The following COL23A1 variants were observed in gnomAD, a reference collection of about 807,000 sequenced individuals.
COL23A1 encodes the protein collagen type XXIII alpha 1 chain, also known as collagen alpha-1(XXIII) chain.
Under a neutral mutation model 99.3 loss-of-function variants are expected in COL23A1, and 97 were observed. The ratio of observed to expected loss-of-function variants is 0.98; its 90% CI spans 0.83 to 1.16. The LOEUF (loss-of-function observed/expected upper bound fraction) is 1.16, where lower values mean the gene tolerates loss of function less well. COL23A1 is among the 50% of genes most tolerant of loss of function. The pLI is 0.00. For missense variants in COL23A1, 762 were observed against 757.4 expected, an observed-to-expected ratio of 1.01 and a Z score of -0.07; for synonymous variants, 320 against 308.2, an observed-to-expected ratio of 1.04 and a Z score of -0.40.
Position 178,429,044 on chromosome 5 carries a change from G to A in COL23A1, c.362-122125C>T, listed in dbSNP as rs564809787. 1.3e-3 allele frequency among the ~76,000 whole-genome samples: 197 copies of A among 152,264 alleles called. 1 individual carries two copies. Among genetic ancestry groups the A allele is most frequent in the Admixed American group, 2.5e-3 (38 of 15,296 alleles). On this transcript the variant is annotated intron_variant, in intron 2 of 28. Coordinates refer to ENST00000390654, the MANE Select transcript of COL23A1 (RefSeq NM_173465.4). ...TTCTGCTCGTGATTGGCTGGGGCAC[G>A]CGACTGCTCTGTAAACCAGGTGCGG...
At chr5:178,572,073 A>G (rs1763134456) in intron 1 of COL23A1, among the ~76,000 whole-genome samples, 1 of 83,810 alleles carries the variant, frequency 1.2e-5, no homozygotes, top group Non-Finnish European at 2.3e-5. Context: ...TTCTCAAAAC[A>G]AAAAAAAAAA....
chr5:178,568,125 A>G (rs1762924473), intron 1 of COL23A1, among the ~76,000 whole-genome samples: 1 of 152,232 alleles, frequency 6.6e-6, no homozygotes, highest in Admixed American at 6.5e-5. Flanking sequence ...GCTCCTCATG[A>G]GAAGTATTAG....
chr5:178,412,295 A>AT (rs1765095231), intron 2 of COL23A1, among the ~76,000 whole-genome samples: 1 of 151,936 alleles, frequency 6.6e-6, no homozygotes, highest in South Asian at 2.1e-4. Context: ...GCATGGATAC[A>AT]TTTTTTTTCT....
intron 2 of COL23A1, among the ~76,000 whole-genome samples, chr5:178,486,660 G>A (rs1757648539): frequency 6.6e-6 from 1 of 152,158 alleles, no homozygotes; most frequent in Admixed American, 6.5e-5. Flanking sequence ...CACAGGGAGA[G>A]CCGGGTGAAA....
rs1253517106 is a variant in COL23A1, at chr5:178,366,075, G to A, written c.362-59156C>T. Reference sequence around the variant, plus strand: ...CCCCAGTGCCAGGTGATCATCTGCCGCTGTGTCCTCAGCATCTGGCCCAGC... The same window carrying A: ...CCCCAGTGCCAGGTGATCATCTGCCACTGTGTCCTCAGCATCTGGCCCAGC... On this transcript the variant is annotated intron_variant, in intron 2 of 28. Coordinates refer to ENST00000390654, the MANE Select transcript of COL23A1 (RefSeq NM_173465.4). This position sits in a 1 kb window ranked among gnomAD's most constrained non-coding sequence, Gnocchi z 4.4. Among the ~76,000 whole-genome samples the A allele has an allele frequency of 2.0e-5, 3 of 152,234 alleles. No homozygotes were observed. The highest frequency in any genetic ancestry group is 4.8e-5 in the African/African-American group (2 of 41,540).
intron 2 of COL23A1, among the ~76,000 whole-genome samples, chr5:178,370,547 T>C (rs1222597895): frequency 6.6e-6 from 1 of 152,036 alleles, no homozygotes; most frequent in Non-Finnish European, 1.5e-5. Context: ...TAGAGTTTCA[T>C]TAGACAGGGG....
In COL23A1 at chr5:178,308,779, C is replaced by T. The variant is rs144854949; in HGVS notation, c.362-1860G>A. 2.0e-5 allele frequency among the ~76,000 whole-genome samples: 3 copies of T among 151,886 alleles called. No individual in the cohort carries two copies. Among genetic ancestry groups the T allele is most frequent in the Non-Finnish European group, 2.9e-5 (2 of 67,968 alleles). On this transcript the variant is annotated intron_variant, in intron 2 of 28. Transcript: ENST00000390654. This position sits in a 1 kb window ranked among gnomAD's most constrained non-coding sequence, Gnocchi z 5.1. ...AGAGCCAGTCACACCGGATGACTGG[C>T]CCTGGTTATTAACTAAGCCCCAGGT...
intron 2 of COL23A1, among the ~76,000 whole-genome samples, chr5:178,373,524 C>T (rs994431902): frequency 6.6e-6 from 1 of 152,240 alleles, no homozygotes; most frequent in African/African-American, 2.4e-5. Context: ...TCAAGTGATT[C>T]TCCTGCCTCA....
At chr5:178,584,144 G>A (rs1270663877) in intron 1 of COL23A1, among the ~76,000 whole-genome samples, 2 of 152,108 alleles carry the variant, frequency 1.3e-5, no homozygotes, top group Non-Finnish European at 2.9e-5. Context: ...CAAGTAGCTG[G>A]GATTACAGGC....
intron 2 of COL23A1, among the ~76,000 whole-genome samples, chr5:178,435,708 AGCTGCTTTTGAAGCCGCAATTGCATGCAG>A (rs1766521507): frequency 6.6e-6 from 1 of 152,114 alleles, no homozygotes; most frequent in African/African-American, 2.4e-5. Context: ...TGAGAGGGAA[AGCTGCTTTTGAAGCCGCAATTGCATGCAG>A]GGCCCTGTTT....
At chr5:178,394,132 G>A (rs1435991205) in intron 2 of COL23A1, among the ~76,000 whole-genome samples, 1 of 152,220 alleles carries the variant, frequency 6.6e-6, no homozygotes, top group Non-Finnish European at 1.5e-5. Context: ...GGAGGAAGCA[G>A]AGGCAGGACA....
intron 2 of COL23A1, among the ~76,000 whole-genome samples, chr5:178,461,029 C>T (rs1756093369): frequency 2.0e-5 from 3 of 152,164 alleles, no homozygotes; most frequent in Admixed American, 6.5e-5. Context: ...GAGAGCTGCC[C>T]TCTAAGGCAG....
intron 2 of COL23A1, among the ~76,000 whole-genome samples, chr5:178,532,496 A>G (rs1760703208): frequency 6.6e-6 from 1 of 152,208 alleles, no homozygotes; most frequent in Non-Finnish European, 1.5e-5. Flanking sequence ...TTACAGAGCC[A>G]TCTGCACCTG....
chr5:178,242,087 C>G lies in COL23A1; in HGVS notation c.1536G>C (p.Gln512His). Reference sequence around the variant, plus strand: ...GGCCTGGTGGTCCCGGCTCGCCCTTCTGGCCCTTCACTCCTTTCCGGCCGG... The same window carrying G: ...GGCCTGGTGGTCCCGGCTCGCCCTTGTGGCCCTTCACTCCTTTCCGGCCGG... ...GVPGRKGVKGQKGEPGPPGLD... is the reference protein window; with the variant it reads ...GVPGRKGVKGHKGEPGPPGLD... Residue 512 changes from glutamine (Q) to histidine (H), a missense_variant, in exon 27 of 29, where the codon CAG (glutamine) becomes CAC (histidine). Coordinates refer to ENST00000390654, the MANE Select transcript of COL23A1 (RefSeq NM_173465.4). 6.4e-7 allele frequency: 1 copy of G among 1,553,982 alleles called. No homozygotes were observed. The highest frequency in any genetic ancestry group is 8.7e-7 in the Non-Finnish European group (1 of 1,148,442).
At chr5:178,556,968 T>TA (rs1019396375) in intron 2 of COL23A1, among the ~76,000 whole-genome samples, 3 of 151,782 alleles carry the variant, frequency 2.0e-5, no homozygotes, top group African/African-American at 7.3e-5. Flanking sequence ...ATAAATAAAT[T>TA]AAAAAAATGA....
chr5:178,317,679 A>C (rs963731951), intron 2 of COL23A1, among the ~76,000 whole-genome samples: 1 of 152,172 alleles, frequency 6.6e-6, no homozygotes, highest in Non-Finnish European at 1.5e-5. Flanking sequence ...AAGATCTCTG[A>C]GAGTGGCGCC....
chr5:178,483,791 G>A (rs624669), intron 2 of COL23A1, among the ~76,000 whole-genome samples: 1,583 of 152,340 alleles, frequency 0.01, 28 homozygotes, highest in African/African-American at 0.034. Context: ...CGTGGAGCCC[G>A]TGCAGCGGGG....
chr5:178,363,414 C>G (rs577229897), intron 2 of COL23A1, among the ~76,000 whole-genome samples: 2 of 152,314 alleles, frequency 1.3e-5, no homozygotes, highest in Admixed American at 6.5e-5. Context: ...TGCACTCACT[C>G]ATTCACTGAT....
In COL23A1 at chr5:178,472,042, G is replaced by A. The variant is rs7710305; in HGVS notation, c.361+88640C>T. ...CCTGGTGGCTCACACCTCTAATCCC[G>A]GTGCTGTGGGAGCTCAAGGAGGGAG... On this transcript the variant is annotated intron_variant, in intron 2 of 28. Transcript: ENST00000390654. Among the ~76,000 whole-genome samples, 443 of 152,246 alleles carry A rather than the reference G, an allele frequency of 2.9e-3. 4 individuals carry two copies. The highest frequency in any genetic ancestry group is 7.2e-3 in the African/African-American group (300 of 41,520).
Sources: gnomAD v4.1 joint callset for allele counts (sites outside exome capture counted in the v4.1 genomes callset) on GRCh38, gnomAD v4.1.1 for gene constraint, Gnocchi (gnomAD v3.1) non-coding constraint, MANE v1.5 for transcripts, NCBI Gene and HGNC (gene_info 2026-07-23, HGNC 2026-07-21) for gene names.